The following WDHD1 variants were observed in gnomAD, a reference collection of about 807,000 sequenced individuals.
WDHD1 encodes the protein WD repeat and HMG-box DNA-binding protein 1.
WDHD1 carries 111 observed loss-of-function variants against 135.4 expected under a neutral mutation model. The observed-to-expected ratio is 0.82, with a 90% CI of 0.70 to 0.96. WDHD1 has a LOEUF of 0.96. WDHD1 is among the 40% of genes least tolerant of loss of function. WDHD1 has a pLI of 0.00. For missense variants in WDHD1, 1,351 were observed against 1,336.3 expected (o/e 1.01, Z -0.17); for synonymous variants, 434 against 439.0 (o/e 0.99, Z 0.14).
chr14:54,966,743 T>C (rs1232325074), intron 17 of WDHD1, 137 bp from the exon 18 acceptor site: 1 of 1,069,706 alleles, frequency 9.3e-7, no homozygotes, highest in Non-Finnish European at 1.3e-6. Flanking sequence ...ATTTTACAAT[T>C]TAAATTCTAG....
chr14:54,943,603 G>T (rs1002547477), intron 25 of WDHD1, among the ~76,000 whole-genome samples: 3 of 152,110 alleles, frequency 2.0e-5, no homozygotes, highest in Admixed American at 2.0e-4. Flanking sequence ...TCACTATGTT[G>T]TCTAGGCTGG....
chr14:54,974,954 C>A (rs1357317263), intron 16 of WDHD1, among the ~76,000 whole-genome samples: 1 of 152,214 alleles, frequency 6.6e-6, no homozygotes, highest in African/African-American at 2.4e-5. Flanking sequence ...GGGGACTTTG[C>A]TCACATCTCT....
chr14:54,971,346 G>C (rs934879738), intron 16 of WDHD1, among the ~76,000 whole-genome samples: 1 of 152,124 alleles, frequency 6.6e-6, no homozygotes, highest in Non-Finnish European at 1.5e-5. Flanking sequence ...GGAGGCCAAG[G>C]CAGGAGGATT....
At chr14:54,989,870 G>C in intron 12 of WDHD1, among the ~76,000 whole-genome samples, 1 of 151,918 alleles carries the variant, frequency 6.6e-6, no homozygotes, top group East Asian at 1.9e-4. Flanking sequence ...CACCATGTTG[G>C]CCAGGCTGGT....
intron 14 of WDHD1, among the ~76,000 whole-genome samples, chr14:54,986,612 G>T (rs1198932953): frequency 1.3e-5 from 2 of 152,198 alleles, no homozygotes; most frequent in Non-Finnish European, 2.9e-5. Context: ...AAAGTAAAAA[G>T]GGAGCTGCCA....
At chr14:54,999,426 C>T (rs1229686678) in intron 10 of WDHD1, among the ~76,000 whole-genome samples, 1 of 152,178 alleles carries the variant, frequency 6.6e-6, no homozygotes, top group Non-Finnish European at 1.5e-5. Flanking sequence ...ATCACCTCTC[C>T]TGTTTTCAGC....
In WDHD1 at chr14:55,024,580, T is replaced by C. The variant is rs147517088; in HGVS notation, c.77+2131A>G. Among the ~76,000 whole-genome samples, 73 of 152,240 alleles carry C rather than the reference T, an allele frequency of 4.8e-4. 1 individual carries two copies. The highest frequency in any genetic ancestry group is 2.0e-3 in the Admixed American group (31 of 15,286). ...GGAAAAGCAAGAGAGATCAGATTGT[T>C]ACTGTGTCTGTGTAGAAAGAAGTAG... On this transcript the variant is annotated intron_variant, in intron 2 of 25. Transcript: ENST00000360586.
intron 16 of WDHD1, among the ~76,000 whole-genome samples, chr14:54,980,602 A>T (rs924424601): frequency 1.3e-5 from 2 of 151,656 alleles, no homozygotes; most frequent in African/African-American, 4.8e-5. Context: ...TCAAGAGTTC[A>T]AGACCAGCCT....
intron 2 of WDHD1, among the ~76,000 whole-genome samples, chr14:55,015,737 C>T (rs1264999784): frequency 3.4e-5 from 5 of 149,220 alleles, no homozygotes; most frequent in South Asian, 2.1e-4. Flanking sequence ...CTCACTCTGT[C>T]GCCCAGGCTG....
intron 24 of WDHD1, among the ~76,000 whole-genome samples, chr14:54,954,524 T>C (rs1363383889): frequency 6.6e-6 from 1 of 152,234 alleles, no homozygotes; most frequent in Non-Finnish European, 1.5e-5. Context: ...AGAAATGCTA[T>C]TCATATAAAA....
intron 24 of WDHD1, among the ~76,000 whole-genome samples, chr14:54,950,031 G>GA (rs1231028120): frequency 6.6e-6 from 1 of 152,156 alleles, no homozygotes; most frequent in African/African-American, 2.4e-5. Context: ...ACCAGCCACT[G>GA]AAAAAACATG....
chr14:54,967,947 C>T (rs1385893921), intron 16 of WDHD1, among the ~76,000 whole-genome samples: 1 of 152,132 alleles, frequency 6.6e-6, no homozygotes, highest in Admixed American at 6.5e-5. Flanking sequence ...TAAATGACAA[C>T]CACTAAAAGT....
chr14:54,963,178 C>T lies in WDHD1; in HGVS notation c.2311-6G>A. ...CGCTCCAGTTTACAAGAAAGCTAAT[C>T]CAAAAAGGGGGGGGGGGGGGAGATC... On this transcript the variant is annotated splice_polypyrimidine_tract_variant and splice_region_variant and intron_variant, in intron 18 of 25. Coordinates refer to ENST00000360586, the MANE Select transcript of WDHD1 (RefSeq NM_007086.4). 1.9e-6 allele frequency: 1 copy of T among 533,066 alleles called. No homozygotes were observed. Among genetic ancestry groups the T allele is most frequent in the Non-Finnish European group, 2.6e-6 (1 of 390,464 alleles). 33.0% of individuals were successfully genotyped at this position (533,066 alleles called of 1,614,324 possible). A position where few individuals can be genotyped will look rare whatever the true frequency, so the allele number is the denominator to read the frequency against.
In WDHD1 at chr14:54,984,728, G is replaced by A. The variant is rs547138494; in HGVS notation, c.1901C>T (p.Ala634Val). ...TTTAAACAAATTTATCTTGCCTTCAGCTGAAAACCCAATCCATGCAAGGTA... is the reference window on the plus strand; with the variant it reads ...TTTAAACAAATTTATCTTGCCTTCAACTGAAAACCCAATCCATGCAAGGTA... ...KSYLAWIGFSAEGTPCYVDSE... is the reference protein window; with the variant it reads ...KSYLAWIGFSVEGTPCYVDSE... The change falls in exon 15 of 26, where the codon GCT (alanine) becomes GTT (valine). Residue 634 changes from alanine to valine, a missense_variant. Physicochemically the swap from Ala to Val is moderately conservative, Grantham distance 64. This residue lies in a region of WDHD1 where 1,330 missense variants were observed against 1,296.1 expected (regional missense o/e 1.03). Transcript: ENST00000360586. 6.9e-6 allele frequency: 11 copies of A among 1,604,366 alleles called. No homozygotes were observed. In the South Asian group the frequency reaches 7.9e-5, roughly 11 times the overall value.
At position 54,995,761 on chromosome 14, in the gene WDHD1, A is replaced by G. The variant is rs2041867911; in HGVS notation, c.995T>C (p.Met332Thr). 1 of 1,612,454 alleles carries G rather than the reference A, an allele frequency of 6.2e-7. No individual in the cohort carries two copies. The highest frequency in any genetic ancestry group is 1.1e-5 in the South Asian group (1 of 90,808). ...DYNDLFDGDD[M>T]SNAGDFLNDN... ...ATTTAGAAAATCACCAGCATTACTC[A>G]TATCATCTCCATCAAAAAGATCATT... is the stretch of plus-strand genomic sequence containing the variant. Residue 332 changes from methionine to threonine, a missense_variant, in exon 11 of 26, where the codon ATG becomes ACG. Around this residue, in one of 2 missense-constraint regions of WDHD1, gnomAD observed 1,330 missense variants for 1,296.1 expected, o/e 1.03. Coordinates refer to ENST00000360586, the MANE Select transcript of WDHD1 (RefSeq NM_007086.4).
chr14:54,947,349 A>G (rs567104463), intron 24 of WDHD1, among the ~76,000 whole-genome samples: 1 of 152,064 alleles, frequency 6.6e-6, no homozygotes, highest in Non-Finnish European at 1.5e-5. Context: ...TGTTAAGCGG[A>G]AAAAAAACCA....
intron 4 of WDHD1, among the ~76,000 whole-genome samples, chr14:55,009,186 T>C (rs2042123209): frequency 1.3e-5 from 2 of 152,226 alleles, no homozygotes; most frequent in Non-Finnish European, 2.9e-5. Flanking sequence ...TCTATAAATA[T>C]GTTGAAAACA....
chr14:54,990,492 A>AG (rs2041767535), intron 12 of WDHD1, among the ~76,000 whole-genome samples: 1 of 151,586 alleles, frequency 6.6e-6, no homozygotes, highest in East Asian at 1.9e-4. Flanking sequence ...GCTACTCGGG[A>AG]GGCTGAGGCA....
intron 2 of WDHD1, among the ~76,000 whole-genome samples, chr14:55,014,199 T>A (rs1313016430): frequency 6.6e-6 from 1 of 152,184 alleles, no homozygotes; most frequent in African/African-American, 2.4e-5. Flanking sequence ...GCTCAAGTGA[T>A]CAAACCACTT....
Sources: gnomAD v4.1 joint callset for allele counts (sites outside exome capture counted in the v4.1 genomes callset) on GRCh38, gnomAD v4.1.1 for gene constraint, gnomAD v4.1.1 regional missense constraint, MANE v1.5 for transcripts, NCBI Gene and HGNC (gene_info 2026-07-23, HGNC 2026-07-21) for gene names.